LRRC37A2: variants seen among roughly 807,000 people sequenced by gnomAD.
The protein encoded by LRRC37A2 is leucine-rich repeat-containing protein 37A2.
A neutral mutation model predicts 68.8 loss-of-function variants in LRRC37A2; 9 were observed. That is an observed-to-expected ratio of 0.13 (90% CI 0.08 to 0.23). The LOEUF (loss-of-function observed/expected upper bound fraction) is 0.23, where lower values mean the gene tolerates loss of function less well. Among genes scored for constraint, LRRC37A2 ranks in the 10% least tolerant of loss-of-function variants. The probability of loss-of-function intolerance (pLI) is 1.00; values close to 1 mark genes in which losing one functional copy is unlikely to be tolerated. For missense variants in LRRC37A2, 168 were observed against 950.4 expected (o/e 0.18, Z 10.82); for synonymous variants, 63 against 367.6 (o/e 0.17, Z 9.48).
At chr17:46,801,268 A>C in the LRRC37A2 span, among the ~76,000 whole-genome samples, 1 of 152,200 alleles carries the variant, frequency 6.6e-6, no homozygotes, top group Non-Finnish European at 1.5e-5. Context: ...CAGGCTGAGG[A>C]GTATACAACA....
chr17:46,595,500 T>C, the LRRC37A2 span, among the ~76,000 whole-genome samples: 1 of 116,898 alleles, frequency 8.6e-6, no homozygotes, highest in Non-Finnish European at 1.5e-5. Flanking sequence ...ATCTTTTTTT[T>C]TTTTTTTTGA....
the LRRC37A2 span, among the ~76,000 whole-genome samples, chr17:46,734,697 TAGAC>T: frequency 8.5e-5 from 13 of 152,224 alleles, 1 homozygote; most frequent in Middle Eastern, 6.8e-3. Context: ...ACTACATAGA[TAGAC>T]AGTATTAAAG....
the LRRC37A2 span, among the ~76,000 whole-genome samples, chr17:46,951,924 T>C: frequency 6.6e-6 from 1 of 152,148 alleles, no homozygotes; most frequent in Non-Finnish European, 1.5e-5. Flanking sequence ...ACAGCCCAGC[T>C]CCATGTTCAC....
the LRRC37A2 span, among the ~76,000 whole-genome samples, chr17:46,760,685 A>G: frequency 6.6e-6 from 1 of 151,912 alleles, no homozygotes; most frequent in Non-Finnish European, 1.5e-5. Flanking sequence ...GAATTCTGGG[A>G]TAGATAAGTT....
chr17:46,877,300 C>T, the LRRC37A2 span, among the ~76,000 whole-genome samples: 32 of 152,200 alleles, frequency 2.1e-4, no homozygotes, highest in Admixed American at 5.2e-4. Context: ...AGAAGCCATC[C>T]GTTCAGAGAA....
chr17:46,880,189 G>T, the LRRC37A2 span, among the ~76,000 whole-genome samples: 1 of 152,156 alleles, frequency 6.6e-6, no homozygotes, highest in Non-Finnish European at 1.5e-5. Context: ...CCTCTCATGA[G>T]CACATAGTCC....
chr17:46,558,712 T>C (rs2057428029), downstream of LRRC37A2: 1 of 136,728 alleles, frequency 7.3e-6, no homozygotes, highest in Non-Finnish European at 1.6e-5. Flanking sequence ...TTTCTGAAAA[T>C]ACACCTGTGG....
chr17:47,011,385 C>T, the LRRC37A2 span, among the ~76,000 whole-genome samples: 1 of 151,910 alleles, frequency 6.6e-6, no homozygotes, highest in Non-Finnish European at 1.5e-5. Context: ...CCCATCTCTA[C>T]TAAAAATACA....
At chr17:46,717,415 A>G in the LRRC37A2 span, among the ~76,000 whole-genome samples, 1 of 152,002 alleles carries the variant, frequency 6.6e-6, no homozygotes, top group African/African-American at 2.4e-5. Context: ...TAAATTAACT[A>G]TACTTAAAAA....
the LRRC37A2 span, among the ~76,000 whole-genome samples, chr17:46,827,960 C>A: frequency 6.6e-6 from 1 of 151,874 alleles, no homozygotes; most frequent in Non-Finnish European, 1.5e-5. Context: ...CAGGCACCCA[C>A]CACCACGCCC....
chr17:46,951,453 G>A, the LRRC37A2 span, among the ~76,000 whole-genome samples: 1 of 152,342 alleles, frequency 6.6e-6, no homozygotes, highest in African/African-American at 2.4e-5. Flanking sequence ...CACGTCTCCA[G>A]ATCACAGGTT....
At chr17:46,534,698 A>G (rs1408294411) in intron 6 of LRRC37A2, among the ~76,000 whole-genome samples, 1 of 149,884 alleles carries the variant, frequency 6.7e-6, no homozygotes, top group African/African-American at 2.5e-5. Context: ...CCCGTTCTCA[A>G]TGAGCTGTTG....
At chr17:46,516,154 T>A (rs1361864461) in intron 2 of LRRC37A2, among the ~76,000 whole-genome samples, 71 of 149,694 alleles carry the variant, frequency 4.7e-4, no homozygotes, top group Non-Finnish European at 9.0e-4. Context: ...CAGAAAAAAA[T>A]TAGCCAGGCA....
chr17:46,749,427 C>T, the LRRC37A2 span, among the ~76,000 whole-genome samples: 11 of 152,120 alleles, frequency 7.2e-5, no homozygotes, highest in African/African-American at 2.7e-4. Flanking sequence ...CATCTTTTTT[C>T]CCCAATTCCC....
chr17:47,048,114 T>C, the LRRC37A2 span, among the ~76,000 whole-genome samples: 6 of 149,820 alleles, frequency 4.0e-5, no homozygotes, highest in Admixed American at 6.6e-5. Flanking sequence ...AAAAGCTTTG[T>C]TAACCTCCTT....
the LRRC37A2 span, among the ~76,000 whole-genome samples, chr17:46,902,500 C>CAG: frequency 7.0e-6 from 1 of 142,964 alleles, no homozygotes; most frequent in East Asian, 2.0e-4. Context: ...AAGATAGAGA[C>CAG]AGAGAGAGAG....
chr17:47,019,640 A>C, the LRRC37A2 span: 5 of 1,425,584 alleles, frequency 3.5e-6, no homozygotes, highest in African/African-American at 7.1e-5. Context: ...ATAAGGCTTT[A>C]ACTGCACCAG....
the LRRC37A2 span, among the ~76,000 whole-genome samples, chr17:46,622,363 C>T: frequency 1.2e-4 from 18 of 150,158 alleles, no homozygotes; most frequent in Non-Finnish European, 2.5e-4. Flanking sequence ...GAGGCTGAGG[C>T]AGGAGAATGG....
At chr17:46,724,562 C>A in the LRRC37A2 span, among the ~76,000 whole-genome samples, 2 of 152,168 alleles carry the variant, frequency 1.3e-5, no homozygotes, top group African/African-American at 4.8e-5. Context: ...TGCCTAACTT[C>A]CAAGGCACTG....
Sources: allele counts gnomAD v4.1 joint callset (sites outside exome capture counted in the v4.1 genomes callset), GRCh38; gene constraint gnomAD v4.1.1; transcripts MANE v1.5; gene names NCBI Gene and HGNC (gene_info 2026-07-23, HGNC 2026-07-21).